Variants in CNTNAP2 observed in about 807,000 individuals in gnomAD.
The protein encoded by CNTNAP2 is contactin-associated protein-like 2.
A neutral mutation model predicts 155.2 loss-of-function variants in CNTNAP2; 98 were observed. The ratio of observed to expected loss-of-function variants is 0.63; its 90% CI spans 0.54 to 0.75. CNTNAP2 has a LOEUF of 0.75. Among genes scored for constraint, CNTNAP2 ranks in the 30% least tolerant of loss-of-function variants. CNTNAP2 has a pLI of 0.00. For synonymous variants in CNTNAP2, 651 were observed against 631.2 expected, an observed-to-expected ratio of 1.03 and a Z score of -0.47; for missense variants, 1,727 against 1,688.1, an observed-to-expected ratio of 1.02 and a Z score of -0.40.
chr7:148,190,641 C>T (rs180754248), intron 18 of CNTNAP2: 3 of 152,382 alleles, frequency 2.0e-5, no homozygotes, highest in Admixed American at 1.3e-4. Flanking sequence ...CACAATCGGC[C>T]GTCTGCAACC....
chr7:148,019,184 G>T (rs1346529697), intron 15 of CNTNAP2, among the ~76,000 whole-genome samples: 2 of 152,130 alleles, frequency 1.3e-5, no homozygotes, highest in Non-Finnish European at 2.9e-5. Flanking sequence ...ATTTTCTTTA[G>T]CATGGCATTC....
At chr7:148,276,266 C>A (rs1028337642) in intron 21 of CNTNAP2, among the ~76,000 whole-genome samples, 2 of 152,120 alleles carry the variant, frequency 1.3e-5, no homozygotes, top group East Asian at 1.9e-4. Flanking sequence ...ACCTGGGAGA[C>A]AATCCCATAA....
At chr7:148,344,705 C>T (rs1798292255) in intron 21 of CNTNAP2, among the ~76,000 whole-genome samples, 1 of 152,154 alleles carries the variant, frequency 6.6e-6, no homozygotes, top group East Asian at 1.9e-4. Context: ...GGAGGCAGAG[C>T]TGGCATGGTA....
At chr7:146,482,206 G>GAA (rs749887909) in intron 1 of CNTNAP2, among the ~76,000 whole-genome samples, 6,450 of 82,018 alleles carry the variant, frequency 0.079, 487 homozygotes, top group African/African-American at 0.2. Context: ...CTAAGAATTA[G>GAA]AAAAAAAAAA....
At chr7:146,967,091 G>A (rs1797673250) in intron 3 of CNTNAP2, among the ~76,000 whole-genome samples, 1 of 152,124 alleles carries the variant, frequency 6.6e-6, no homozygotes, top group Non-Finnish European at 1.5e-5. Context: ...ATCTGGTTTT[G>A]TGTGTCAGAT....
intron 4 of CNTNAP2, among the ~76,000 whole-genome samples, chr7:147,049,227 C>T (rs537329863): frequency 1.3e-5 from 2 of 152,226 alleles, no homozygotes; most frequent in East Asian, 1.9e-4. Context: ...CATACCACAG[C>T]GTACACCAAA....
intron 3 of CNTNAP2, among the ~76,000 whole-genome samples, chr7:146,874,540 T>C (rs1475027316): frequency 1.1e-4 from 17 of 152,066 alleles, no homozygotes; most frequent in Non-Finnish European, 2.4e-4. Flanking sequence ...GGTTTCACCA[T>C]GTTGGTCAGG....
At chr7:146,256,797 A>T (rs530240691) in intron 1 of CNTNAP2, among the ~76,000 whole-genome samples, 1 of 152,154 alleles carries the variant, frequency 6.6e-6, no homozygotes, top group Non-Finnish European at 1.5e-5. Flanking sequence ...GGAAAAAAAA[A>T]CATGAGATTT....
chr7:146,225,895 C>G (rs73739576), intron 1 of CNTNAP2, among the ~76,000 whole-genome samples: 4,545 of 152,284 alleles, frequency 0.03, 224 homozygotes, highest in African/African-American at 0.1. Context: ...TAAATTCAGT[C>G]CTTTTCAGCT....
At chr7:146,400,986 A>G in intron 1 of CNTNAP2, among the ~76,000 whole-genome samples, 1 of 152,306 alleles carries the variant, frequency 6.6e-6, no homozygotes, top group Middle Eastern at 3.4e-3. Context: ...TCATAATTTT[A>G]GTGACTTGGT....
At chr7:148,072,752 G>C (rs116123443) in intron 15 of CNTNAP2, among the ~76,000 whole-genome samples, 6,645 of 152,280 alleles carry the variant, frequency 0.044, 354 homozygotes, top group East Asian at 0.28. Context: ...CTGTAGCCCA[G>C]ACTGGAGTGC....
At chr7:148,358,261 A>G (rs1798555245) in intron 21 of CNTNAP2, among the ~76,000 whole-genome samples, 1 of 152,170 alleles carries the variant, frequency 6.6e-6, no homozygotes, top group Non-Finnish European at 1.5e-5. Context: ...TACTAGAGAT[A>G]GTCACTGAAG....
intron 17 of CNTNAP2, among the ~76,000 whole-genome samples, chr7:148,156,408 C>T (rs780452795): frequency 1.3e-5 from 2 of 152,112 alleles, no homozygotes; most frequent in Admixed American, 6.5e-5. Context: ...ATTCCACAGC[C>T]GTGTGCTGTC....
chr7:148,300,523 ATT>A (rs796564497), intron 21 of CNTNAP2, among the ~76,000 whole-genome samples: 1 of 142,222 alleles, frequency 7.0e-6, no homozygotes, highest in African/African-American at 2.6e-5. Flanking sequence ...AATCATAACA[ATT>A]TTTTTTTTTT....
intron 3 of CNTNAP2, among the ~76,000 whole-genome samples, chr7:146,855,587 A>G (rs917349179): frequency 6.6e-6 from 1 of 151,892 alleles, no homozygotes; most frequent in Non-Finnish European, 1.5e-5. Flanking sequence ...AAGAGCGTTT[A>G]TTGTATGTTA....
intron 13 of CNTNAP2, among the ~76,000 whole-genome samples, chr7:147,732,807 A>G (rs182241035): frequency 6.6e-6 from 1 of 151,500 alleles, no homozygotes; most frequent in Non-Finnish European, 1.5e-5. Context: ...GCATTTTTTC[A>G]TCATCTTGGC....
At chr7:147,078,336 C>CTTT in intron 4 of CNTNAP2, among the ~76,000 whole-genome samples, 1 of 152,268 alleles carries the variant, frequency 6.6e-6, no homozygotes, top group East Asian at 1.9e-4. Context: ...AAATTCAATA[C>CTTT]TTTTTTTGTT....
In CNTNAP2 at chr7:147,055,414, GGAAC is replaced by G. The variant is rs1243736371; in HGVS notation, c.550+11361_550+11364del. ...TCTGATGAAAGAAGAAAAAGCCTGA[GGAAC>G]TATGCAGTGTGTATCAGATCCCACC... On this transcript the variant is annotated intron_variant, in intron 4 of 23. Transcript: ENST00000361727. Among the ~76,000 whole-genome samples, 4 of 152,170 alleles carry G rather than the reference GGAAC, an allele frequency of 2.6e-5. No homozygotes were observed. The East Asian group carries it at 7.7e-4, about 29-fold the overall frequency.
chr7:147,105,305 G>A (rs1800742844), intron 4 of CNTNAP2, among the ~76,000 whole-genome samples: 1 of 151,856 alleles, frequency 6.6e-6, no homozygotes, highest in African/African-American at 2.4e-5. Flanking sequence ...CTGAGCTTTT[G>A]TTAGGAACAA....
Sources: gnomAD v4.1 joint callset for allele counts (sites outside exome capture counted in the v4.1 genomes callset) on GRCh38, gnomAD v4.1.1 for gene constraint, MANE v1.5 for transcripts, NCBI Gene and HGNC (gene_info 2026-07-23, HGNC 2026-07-21) for gene names.